The following BAHCC1 variants were observed in gnomAD, a reference collection of about 807,000 sequenced individuals.
BAHCC1 encodes BAH and coiled-coil domain-containing protein 1.
BAHCC1 carries 43 observed loss-of-function variants against 88.2 expected under a neutral mutation model. The observed-to-expected ratio is 0.49, with a 90% confidence interval of 0.38 to 0.63. BAHCC1 has a LOEUF of 0.63. Ranked by LOEUF, BAHCC1 falls within the 20% of genes least tolerant of loss-of-function variation. The probability of loss-of-function intolerance (pLI) is 0.00; values close to 1 mark genes in which losing one functional copy is unlikely to be tolerated. For missense variants in BAHCC1, 3,023 were observed against 1,654.8 expected (o/e 1.83, Z -14.34); for synonymous variants, 1,510 against 745.5 (o/e 2.03, Z -16.71).
intron 3 of BAHCC1, among the ~76,000 whole-genome samples, chr17:81,429,477 G>A (rs964571116): frequency 1.8e-4 from 27 of 152,336 alleles, no homozygotes; most frequent in African/African-American, 5.5e-4. Context: ...GGCCAGGGCC[G>A]GCGGGCCAGG....
At chr17:81,454,602 C>T (rs1555656749) in intron 14 of BAHCC1, among the ~76,000 whole-genome samples, 2 of 148,692 alleles carry the variant, frequency 1.3e-5, no homozygotes, top group Admixed American at 6.8e-5. Context: ...GTTGGCACGT[C>T]CTCTTCCAGC....
intron 2 of BAHCC1, chr17:81,410,106 G>A (rs949288528): frequency 2.4e-5 from 8 of 338,066 alleles, no homozygotes; most frequent in Non-Finnish European, 4.3e-5. Context: ...GGGACTGGGG[G>A]ATGCAGTTGT....
chr17:81,438,020 A>G (rs1296004798), intron 3 of BAHCC1, among the ~76,000 whole-genome samples: 1 of 152,082 alleles, frequency 6.6e-6, no homozygotes, highest in Non-Finnish European at 1.5e-5. Context: ...GAGTCTGTCC[A>G]CCGTGCCCCC....
At chr17:81,460,067 G>A (rs782116230) in intron 23 of BAHCC1, among the ~76,000 whole-genome samples, 1 of 152,168 alleles carries the variant, frequency 6.6e-6, no homozygotes, top group Admixed American at 6.5e-5. Context: ...GGCTGGGTGG[G>A]GTGACGGTGG....
At chr17:81,447,006 C>A (rs1555654575) in intron 10 of BAHCC1, 30 bp from the exon 11 acceptor site, 2 of 777,736 alleles carry the variant, frequency 2.6e-6, no homozygotes, top group Non-Finnish European at 4.8e-6. Flanking sequence ...CCACTCCCAG[C>A]TCCCTGCTGA....
In BAHCC1 at chr17:81,417,376, C is replaced by T. The variant is rs570174167; in HGVS notation, c.179-9424C>T. Among the ~76,000 whole-genome samples, 54 of 152,192 alleles carry T rather than the reference C, an allele frequency of 3.5e-4. No individual in the cohort carries two copies. In the Middle Eastern group the frequency reaches 0.01, roughly 29 times the overall value. On this transcript the variant is annotated intron_variant, in intron 2 of 27. Coordinates refer to ENST00000675386, the MANE Select transcript of BAHCC1 (RefSeq NM_001377448.1). ...CTTAGGGGCAAGGGGAGGTCCTGGC[C>T]ACCCGCCTGCCCAGGAGAGCGGGTG...
In BAHCC1 at chr17:81,459,325, A is replaced by G. The variant is rs782470313; in HGVS notation, c.5793A>G (p.Glu1931=). Residue 1931 remains glutamate, a synonymous_variant, in exon 22 of 28, where the codon GAA becomes GAG. Coordinates refer to ENST00000675386, the MANE Select transcript of BAHCC1 (RefSeq NM_001377448.1). ...RIYSLEQLLQ[E]AVLDVRPQSS... ...ACTCACTGGAGCAGCTGCTGCAGGA[A>G]GCGGTGAGGACCGGGCCGGCCCGCC... The G allele has an allele frequency of 9.0e-6, 7 of 778,726 alleles. No individual in the cohort carries two copies. In the Admixed American group the frequency reaches 1.2e-4, roughly 13 times the overall value. The allele number at this position is 778,726 out of a possible 1,614,324, so 48.2% of individuals were successfully genotyped here.
chr17:81,407,420 G>T (rs1555647103), intron 2 of BAHCC1: 1 of 518,686 alleles, frequency 1.9e-6, no homozygotes, highest in African/African-American at 1.9e-5. Flanking sequence ...TTGGAGCACA[G>T]TTGAAGCTTT....
At chr17:81,415,653 C>A in intron 2 of BAHCC1, 1 of 475,136 alleles carries the variant, frequency 2.1e-6, no homozygotes, top group Non-Finnish European at 4.2e-6. Flanking sequence ...CTTCTTAGCA[C>A]CAGGGGCAGG....
At chr17:81,451,291 C>T (rs950959075) in intron 11 of BAHCC1, 8 of 226,848 alleles carry the variant, frequency 3.5e-5, no homozygotes, top group African/African-American at 9.2e-5. Context: ...CCCAGAGTAT[C>T]CCTTCCCAGG....
In BAHCC1 at chr17:81,461,759, G is replaced by C; in HGVS notation, c.7096G>C (p.Val2366Leu). 1.4e-6 allele frequency: 1 copy of C among 717,226 alleles called. No homozygotes were observed. Among genetic ancestry groups the C allele is most frequent in the Non-Finnish European group, 2.6e-6 (1 of 385,012 alleles). The allele number at this position is 717,226 out of a possible 1,614,324, so 44.4% of individuals were successfully genotyped here. ...GCTGCAGACCTGCCTCACCCACCCC[G>C]TGCCCACCCTCCTGGCCCAGCCCGA... ...LLLQTCLTHPVPTLLAQPEAL... is the reference protein window; with the variant it reads ...LLLQTCLTHPLPTLLAQPEAL... The change falls in exon 26 of 28, where the codon GTG becomes CTG. Residue 2366 changes from valine to leucine, a missense_variant. Physicochemically the swap from Val to Leu is conservative, Grantham distance 32. Coordinates refer to ENST00000675386, the MANE Select transcript of BAHCC1 (RefSeq NM_001377448.1).
At chr17:81,405,557 AG>A (rs1195006425) in intron 2 of BAHCC1, among the ~76,000 whole-genome samples, 1 of 152,122 alleles carries the variant, frequency 6.6e-6, no homozygotes, top group Non-Finnish European at 1.5e-5. Flanking sequence ...TATATTTCCC[AG>A]AATACCCTGA....
In BAHCC1 at chr17:81,458,195, A is replaced by C. The variant is rs1479945848; in HGVS notation, c.5072A>C (p.Glu1691Ala). 2.8e-6 allele frequency: 2 copies of C among 725,718 alleles called. No homozygotes were observed. Among genetic ancestry groups the C allele is most frequent in the Non-Finnish European group, 5.1e-6 (2 of 390,120 alleles). 45.0% of individuals were successfully genotyped at this position (725,718 alleles called of 1,614,324 possible). ...TGCCGCCTGTCCAGCCCTGAGAGTG[A>C]GGTCAAGATCAAGAGGCGGTCGGTG... The part of the protein sequence containing the change: ...GACRLSSPES[E>A]VKIKRRSVKA... Residue 1691 changes from glutamate (E) to alanine (A), a missense_variant, in exon 18 of 28, where the codon GAG (glutamate) becomes GCG (alanine). Coordinates refer to ENST00000675386, the MANE Select transcript of BAHCC1 (RefSeq NM_001377448.1).
intron 3 of BAHCC1, among the ~76,000 whole-genome samples, chr17:81,432,589 A>ACAT: frequency 1.7e-5 from 1 of 58,080 alleles, no homozygotes; most frequent in Non-Finnish European, 3.4e-5. Flanking sequence ...CCTCCCCTCC[A>ACAT]GCCCTGGACC....
intron 3 of BAHCC1, among the ~76,000 whole-genome samples, chr17:81,432,523 G>C (rs1474061827): frequency 2.7e-5 from 3 of 110,870 alleles, no homozygotes; most frequent in Non-Finnish European, 5.8e-5. Context: ...CCCCAGCCTC[G>C]GACCCACCCT....
intron 23 of BAHCC1, among the ~76,000 whole-genome samples, chr17:81,459,837 G>A (rs1307986836): frequency 6.6e-6 from 1 of 152,118 alleles, no homozygotes; most frequent in Non-Finnish European, 1.5e-5. Flanking sequence ...AGCAGGAAGG[G>A]GCCCTGAGCA....
chr17:81,460,283 C>A lies in BAHCC1; in HGVS notation c.5912C>A (p.Ser1971Tyr). 1.3e-6 allele frequency: 1 copy of A among 770,506 alleles called. No homozygotes were observed. Among genetic ancestry groups the A allele is most frequent in the Non-Finnish European group, 2.4e-6 (1 of 413,698 alleles). 47.7% of individuals were successfully genotyped at this position (770,506 alleles called of 1,614,324 possible). ...TCAGGTGTGCCGTCCACAGGGGCCT[C>A]CGGTGACGAAGATGAGGACCTGGAC... is the stretch of plus-strand genomic sequence containing the variant. Reference protein sequence around the residue: ...LYPGNVVRGASGDEDEDLDSV... With the variant: ...LYPGNVVRGAYGDEDEDLDSV... Residue 1971 changes from serine to tyrosine, a missense_variant, in exon 24 of 28, where the codon TCC (serine) becomes TAC (tyrosine). Transcript: ENST00000675386.
chr17:81,450,938 C>T (rs1285820754), intron 11 of BAHCC1, among the ~76,000 whole-genome samples: 1 of 152,202 alleles, frequency 6.6e-6, no homozygotes, highest in Non-Finnish European at 1.5e-5. Flanking sequence ...GACTTGTCCC[C>T]TCCCTCTGCA....
intron 11 of BAHCC1, among the ~76,000 whole-genome samples, chr17:81,450,894 C>T (rs1441048523): frequency 6.6e-6 from 1 of 152,186 alleles, no homozygotes; most frequent in South Asian, 2.1e-4. Flanking sequence ...GGCAATAAAG[C>T]GAGACCCTGT....
Sources: allele counts gnomAD v4.1 joint callset (sites outside exome capture counted in the v4.1 genomes callset), GRCh38; gene constraint gnomAD v4.1.1; transcripts MANE v1.5; gene names NCBI Gene and HGNC (gene_info 2026-07-23, HGNC 2026-07-21).